PGR: variants seen among roughly 807,000 people sequenced by gnomAD.
The protein encoded by PGR is progesterone receptor.
Under a neutral mutation model 76.1 loss-of-function variants are expected in PGR, and 25 were observed. The observed-to-expected ratio is 0.33, with a 90% CI of 0.24 to 0.46. PGR has a LOEUF of 0.46. Ranked by LOEUF, PGR falls within the 20% of genes least tolerant of loss-of-function variation. The pLI is 1.00. For missense variants in PGR, 1,172 were observed against 1,225.3 expected (o/e 0.96, Z 0.65); for synonymous variants, 579 against 535.0 (o/e 1.08, Z -1.14).
chr11:101,051,573 A>G lies in PGR; in HGVS notation c.2213-5T>C. On this transcript the variant is annotated splice_region_variant and splice_polypyrimidine_tract_variant and intron_variant, in intron 4 of 7. Coordinates refer to ENST00000325455, the MANE Select transcript of PGR (RefSeq NM_000926.4). ...CAATATGTAAGTTTCGAAAACCTACAAAACAAATTTAAAAATACAGTGACC... is the reference window on the plus strand; with the variant it reads ...CAATATGTAAGTTTCGAAAACCTACGAAACAAATTTAAAAATACAGTGACC... 2 of 1,595,170 alleles carry G rather than the reference A, an allele frequency of 1.3e-6. No individual in the cohort carries two copies. The highest frequency in any genetic ancestry group is 1.7e-6 in the Non-Finnish European group (2 of 1,163,506).
chr11:101,047,791 T>C (rs1859942543), intron 6 of PGR, among the ~76,000 whole-genome samples: 1 of 152,144 alleles, frequency 6.6e-6, no homozygotes, highest in South Asian at 2.1e-4. Flanking sequence ...AGCTGCTTTT[T>C]CTTTTTTTTA....
chr11:101,064,202 G>C (rs769554384), intron 3 of PGR, among the ~76,000 whole-genome samples: 3 of 151,074 alleles, frequency 2.0e-5, no homozygotes, highest in Non-Finnish European at 3.0e-5. Flanking sequence ...GTGGTGGTGG[G>C]CACCTGTAAT....
At position 101,030,794 on chromosome 11, in the gene PGR, G is replaced by A. The variant is rs796851149; in HGVS notation, c.*8322C>T. On this transcript the variant is annotated 3_prime_UTR_variant, in exon 8 of 8. Transcript: ENST00000325455. ...TAAAAGGTGGACTTAAGCATCAAAA[G>A]CTACTAGGACTAGATGAGAACTCAT... The A allele has an allele frequency of 3.5e-5, 7 of 199,668 alleles. No homozygotes were observed. Among genetic ancestry groups the A allele is most frequent in the African/African-American group, 6.9e-5 (3 of 43,416 alleles). 12.4% of individuals were successfully genotyped at this position (199,668 alleles called of 1,614,324 possible). A position where few individuals can be genotyped will look rare whatever the true frequency, so the allele number is the denominator to read the frequency against.
rs770422665 is a variant in PGR, at chr11:101,128,828, C to G, written c.243G>C (p.Ser81=). ...CTCTGGAATATGCGCCCTCCACGTC[C>G]GACAGCGACTGCTGGTCCTGCGTCT... ...DEKTQDQQSL[S]DVEGAYSRAE... The change falls in exon 1 of 8, where the codon TCG becomes TCC. Residue 81 remains serine, a synonymous_variant. Coordinates refer to ENST00000325455, the MANE Select transcript of PGR (RefSeq NM_000926.4). 1.1e-5 allele frequency: 18 copies of G among 1,614,064 alleles called. No homozygotes were observed. Among genetic ancestry groups the G allele is most frequent in the Non-Finnish European group, 1.5e-5 (18 of 1,180,060 alleles).
At chr11:101,064,688 A>G (rs1161303575) in intron 3 of PGR, among the ~76,000 whole-genome samples, 2 of 152,170 alleles carry the variant, frequency 1.3e-5, no homozygotes, top group Non-Finnish European at 2.9e-5. Flanking sequence ...GTCTTTTGGC[A>G]ATACATGTCT....
At chr11:101,077,816 G>T (rs534774724) in intron 3 of PGR, among the ~76,000 whole-genome samples, 3 of 152,178 alleles carry the variant, frequency 2.0e-5, no homozygotes, top group Non-Finnish European at 4.4e-5. Flanking sequence ...GAGAGGTGCT[G>T]TCTCTGAGAG....
chr11:101,091,728 C>T (rs1373348326), intron 3 of PGR, 32 bp downstream of exon 3: 2 of 997,556 alleles, frequency 2.0e-6, no homozygotes, highest in East Asian at 2.4e-5. Flanking sequence ...AAAGATTACA[C>T]AGTATATTAT....
At chr11:101,116,292 C>A (rs76809885) in intron 2 of PGR, among the ~76,000 whole-genome samples, 1 of 152,112 alleles carries the variant, frequency 6.6e-6, no homozygotes, top group African/African-American at 2.4e-5. Context: ...TAGTCTCTTT[C>A]AACATTCTAG....
chr11:101,120,826 A>C (rs772151751), intron 2 of PGR, among the ~76,000 whole-genome samples: 6 of 152,186 alleles, frequency 3.9e-5, no homozygotes, highest in Non-Finnish European at 8.8e-5. Flanking sequence ...TGAGTAATTA[A>C]AGTACAATGA....
intron 2 of PGR, among the ~76,000 whole-genome samples, chr11:101,109,353 T>A (rs1267029395): frequency 6.6e-6 from 1 of 152,164 alleles, no homozygotes; most frequent in African/African-American, 2.4e-5. Context: ...AAGTTGTAAA[T>A]GCAAAGGAAA....
At chr11:101,052,390 G>A (rs1860125694) in intron 4 of PGR, among the ~76,000 whole-genome samples, 1 of 151,790 alleles carries the variant, frequency 6.6e-6, no homozygotes, top group South Asian at 2.1e-4. Flanking sequence ...GTTGGTGGCA[G>A]AAGGATGGCA....
chr11:101,051,908 C>A (rs1473333195), intron 4 of PGR, among the ~76,000 whole-genome samples: 2 of 152,064 alleles, frequency 1.3e-5, no homozygotes, highest in Non-Finnish European at 2.9e-5. Context: ...AGAGTCAATC[C>A]TAGCCTCAAA....
intron 7 of PGR, among the ~76,000 whole-genome samples, 164 bp from the exon 8 acceptor site, chr11:101,039,435 T>C (rs1279765468): frequency 6.6e-6 from 1 of 151,980 alleles, no homozygotes; most frequent in Non-Finnish European, 1.5e-5. Flanking sequence ...TCTAGAATAA[T>C]ATGTAAAATG....
intron 2 of PGR, among the ~76,000 whole-genome samples, chr11:101,105,382 AAG>A (rs1387890482): frequency 6.6e-6 from 1 of 152,136 alleles, no homozygotes; most frequent in African/African-American, 2.4e-5. Context: ...GAAGGGGAAT[AAG>A]AGTGGCTTAA....
At chr11:101,056,642 G>GAAAAAAAAAAA (rs200810746) in intron 4 of PGR, among the ~76,000 whole-genome samples, 1 of 120,958 alleles carries the variant, frequency 8.3e-6, no homozygotes. Context: ...CCTATCTCAA[G>GAAAAAAAAAAA]AAAAAAAAAA....
chr11:101,104,159 T>C (rs541014271), intron 2 of PGR, among the ~76,000 whole-genome samples: 15 of 152,332 alleles, frequency 9.8e-5, no homozygotes, highest in African/African-American at 3.1e-4. Flanking sequence ...GTAAAAAAGA[T>C]ACATAAGGAA....
At chr11:101,055,746 C>T (rs905039677) in intron 4 of PGR, among the ~76,000 whole-genome samples, 1 of 152,122 alleles carries the variant, frequency 6.6e-6, no homozygotes, top group African/African-American at 2.4e-5. Context: ...TACATGTTTA[C>T]ATTCACTTTA....
chr11:101,093,741 G>A (rs181812219), intron 2 of PGR, among the ~76,000 whole-genome samples: 2 of 152,210 alleles, frequency 1.3e-5, no homozygotes, highest in African/African-American at 2.4e-5. Flanking sequence ...TTACAGGCAT[G>A]AGCCACCACG....
intron 3 of PGR, among the ~76,000 whole-genome samples, chr11:101,080,340 A>G (rs916987411): frequency 1.3e-5 from 2 of 152,192 alleles, no homozygotes; most frequent in African/African-American, 2.4e-5. Flanking sequence ...AAAGAAGCAC[A>G]TAGGGCTGTA....
Sources: allele counts gnomAD v4.1 joint callset (sites outside exome capture counted in the v4.1 genomes callset), GRCh38; gene constraint gnomAD v4.1.1; transcripts MANE v1.5; gene names NCBI Gene and HGNC (gene_info 2026-07-23, HGNC 2026-07-21).